The following VCL variants were observed in gnomAD, a reference collection of about 807,000 sequenced individuals.
The protein encoded by VCL is epididymis luminal protein 114.
In VCL, 47 loss-of-function variants were observed where a neutral mutation model predicts 125.7. The observed-to-expected ratio is 0.37, with a 90% CI of 0.30 to 0.48. The LOEUF is 0.48. VCL is among the 20% of genes least tolerant of loss of function. The pLI, the probability that VCL is intolerant of heterozygous loss-of-function variation, is 0.99. For missense variants in VCL, 1,069 were observed against 1,455.5 expected, an observed-to-expected ratio of 0.73 and a Z score of 4.32; for synonymous variants, 458 against 514.6, an observed-to-expected ratio of 0.89 and a Z score of 1.49.
rs564146926 is a variant in VCL at position 74,082,065 on chromosome 10, G to T, written c.784-389G>T. On this transcript the variant is annotated intron_variant, in intron 6 of 21. Coordinates refer to ENST00000211998, the MANE Select transcript of VCL (RefSeq NM_014000.3). ...CACATACTAACGAGGCTTCCCTGAG[G>T]TGGGAAGGGCTTTGGCAAGGCTGCA... 7.9e-5 allele frequency among the ~76,000 whole-genome samples: 12 copies of T among 152,318 alleles called. No homozygotes were observed. The South Asian group carries it at 2.3e-3, about 29-fold the overall frequency.
rs752975790 is a variant in VCL, at chr10:74,066,481, C to T, written c.240-4189C>T. Among the ~76,000 whole-genome samples, 10 of 152,036 alleles carry T rather than the reference C, an allele frequency of 6.6e-5. No individual in the cohort carries two copies. In the East Asian group the frequency reaches 1.2e-3, roughly 18 times the overall value. On this transcript the variant is annotated intron_variant, in intron 2 of 21. Coordinates refer to ENST00000211998, the MANE Select transcript of VCL (RefSeq NM_014000.3). ...AGAAGCATGCATAACGGTATGATTC[C>T]GCTTAAGTTCCAATATAGGCAGAAC...
chr10:74,089,400 A>G (rs1839841308), intron 9 of VCL, 51 bp downstream of exon 9: 12 of 1,607,772 alleles, frequency 7.5e-6, no homozygotes, highest in Non-Finnish European at 1.0e-5. Flanking sequence ...TAAATATCCT[A>G]AGTCATAAAT....
At chr10:74,092,769 C>T (rs139729869) in intron 10 of VCL, among the ~76,000 whole-genome samples, 350 of 152,242 alleles carry the variant, frequency 2.3e-3, no homozygotes, top group African/African-American at 7.9e-3. Context: ...ATGCAGACCC[C>T]TTGACCCCAC....
At chr10:74,009,871 G>T (rs960954704) in intron 1 of VCL, among the ~76,000 whole-genome samples, 10 of 152,094 alleles carry the variant, frequency 6.6e-5, no homozygotes, top group East Asian at 3.9e-4. Context: ...GCCTCCCAAA[G>T]TGTTGGGATT....
At chr10:74,106,004 G>A (rs1564533290) in intron 16 of VCL, among the ~76,000 whole-genome samples, 1 of 131,282 alleles carries the variant, frequency 7.6e-6, no homozygotes, top group African/African-American at 2.9e-5. Flanking sequence ...TGCAACCTCC[G>A]CCCCCGCCTG....
chr10:74,036,161 A>T (rs934803025), intron 1 of VCL, among the ~76,000 whole-genome samples: 8 of 152,150 alleles, frequency 5.3e-5, no homozygotes, highest in Non-Finnish European at 1.0e-4. Flanking sequence ...AGCTAATTAG[A>T]CTATAACTAA....
At position 74,072,353 on chromosome 10, in the gene VCL, T is replaced by C. The variant is rs113501605; in HGVS notation, c.500-377T>C. Among the ~76,000 whole-genome samples, 43 of 152,286 alleles carry C rather than the reference T, an allele frequency of 2.8e-4. 1 individual carries two copies. The highest frequency in any genetic ancestry group is 9.1e-4 in the African/African-American group (38 of 41,550). On this transcript the variant is annotated intron_variant, in intron 4 of 21. Coordinates refer to ENST00000211998, the MANE Select transcript of VCL (RefSeq NM_014000.3). Reference sequence around the variant, plus strand: ...GCCACTAGATTCAGTACTAGGCTCATGTGAGATTTTTAGCACAGAGTTCAG... The same window carrying C: ...GCCACTAGATTCAGTACTAGGCTCACGTGAGATTTTTAGCACAGAGTTCAG...
chr10:74,036,791 C>G (rs184267486), intron 1 of VCL, among the ~76,000 whole-genome samples: 3 of 152,120 alleles, frequency 2.0e-5, no homozygotes, highest in African/African-American at 7.2e-5. Flanking sequence ...TCATATTTCT[C>G]CATACTAAGT....
At chr10:74,015,526 G>A (rs1840521374) in intron 1 of VCL, among the ~76,000 whole-genome samples, 1 of 151,876 alleles carries the variant, frequency 6.6e-6, no homozygotes, top group Non-Finnish European at 1.5e-5. Context: ...GGGTGACAGA[G>A]GGAAACTCTG....
chr10:74,077,239 T>A (rs1839601628), intron 6 of VCL: 1 of 152,588 alleles, frequency 6.6e-6, no homozygotes, highest in Non-Finnish European at 1.5e-5. Flanking sequence ...ACCATAAGAA[T>A]GAAAAAGAGA....
intron 1 of VCL, among the ~76,000 whole-genome samples, chr10:73,998,581 A>G (rs922529522): frequency 1.3e-5 from 2 of 152,212 alleles, no homozygotes. Context: ...GTCCTCATCT[A>G]TAAAATGGGA....
intron 1 of VCL, chr10:74,028,047 A>AGG (rs1187126475): frequency 6.6e-6 from 1 of 152,146 alleles, no homozygotes; most frequent in Non-Finnish European, 1.5e-5. Flanking sequence ...CTTAATTATA[A>AGG]CTAGTGGGAA....
intron 1 of VCL, among the ~76,000 whole-genome samples, chr10:74,028,393 C>CT (rs1159824812): frequency 0.15 from 18,456 of 121,716 alleles, 1,614 homozygotes; most frequent in East Asian, 0.2. Context: ...CTTAAGTAAT[C>CT]TTTTTTTTTT....
At chr10:74,008,931 C>G (rs1232608743) in intron 1 of VCL, among the ~76,000 whole-genome samples, 2 of 152,192 alleles carry the variant, frequency 1.3e-5, no homozygotes, top group African/African-American at 4.8e-5. Flanking sequence ...GAATAAAAAA[C>G]AAACTTCTGC....
chr10:74,089,141 T>G (rs1243784787), intron 8 of VCL, 55 bp from the exon 9 acceptor site: 10 of 1,611,214 alleles, frequency 6.2e-6, no homozygotes, highest in Non-Finnish European at 7.6e-6. Flanking sequence ...TTGGGAATAT[T>G]TTGTCATTAA....
At chr10:74,039,503 C>T (rs1841052537) in intron 1 of VCL, among the ~76,000 whole-genome samples, 1 of 151,902 alleles carries the variant, frequency 6.6e-6, no homozygotes, top group South Asian at 2.1e-4. Flanking sequence ...GAAAATCAGG[C>T]CAGGCGTGGT....
intron 1 of VCL, among the ~76,000 whole-genome samples, chr10:74,038,383 AT>A (rs1841027791): frequency 6.6e-6 from 1 of 152,210 alleles, no homozygotes; most frequent in African/African-American, 2.4e-5. Context: ...GAATATTTCC[AT>A]CATAAAAGAA....
At chr10:74,032,251 A>G (rs1168867870) in intron 1 of VCL, among the ~76,000 whole-genome samples, 4 of 150,704 alleles carry the variant, frequency 2.7e-5, no homozygotes, top group African/African-American at 9.7e-5. Flanking sequence ...AAAAAAAAAA[A>G]AAAAAAAAAG....
At chr10:74,110,983 T>C (rs1840210650) in intron 18 of VCL, among the ~76,000 whole-genome samples, 1 of 152,188 alleles carries the variant, frequency 6.6e-6, no homozygotes, top group South Asian at 2.1e-4. Context: ...CTGCAGTCAC[T>C]TGCCAAGTTC....
Sources: gnomAD v4.1 joint callset for allele counts (sites outside exome capture counted in the v4.1 genomes callset) on GRCh38, gnomAD v4.1.1 for gene constraint, MANE v1.5 for transcripts, NCBI Gene and HGNC (gene_info 2026-07-23, HGNC 2026-07-21) for gene names.